The following FBRSL1 variants were observed in gnomAD, a reference collection of about 807,000 sequenced individuals.
FBRSL1 encodes the protein fibrosin like 1.
In FBRSL1, 51 loss-of-function variants were observed where a neutral mutation model predicts 89.6. The observed-to-expected ratio is 0.57, with a 90% CI of 0.45 to 0.72. The LOEUF is 0.72. Among genes scored for constraint, FBRSL1 ranks in the 30% least tolerant of loss-of-function variants. The probability of loss-of-function intolerance (pLI) is 0.00; values close to 1 mark genes in which losing one functional copy is unlikely to be tolerated. For synonymous variants in FBRSL1, 779 were observed against 681.1 expected, an observed-to-expected ratio of 1.14 and a Z score of -2.24; for missense variants, 1,618 against 1,451.8, an observed-to-expected ratio of 1.11 and a Z score of -1.86.
intron 4 of FBRSL1, among the ~76,000 whole-genome samples, chr12:132,530,925 C>G (rs373528228): frequency 7.0e-6 from 1 of 143,576 alleles, no homozygotes; most frequent in African/African-American, 2.6e-5. Context: ...GGTGTGCACC[C>G]GGGGCCTTGG....
At chr12:132,522,230 A>G (rs1593329443) in intron 2 of FBRSL1, among the ~76,000 whole-genome samples, 1 of 152,292 alleles carries the variant, frequency 6.6e-6, no homozygotes, top group East Asian at 1.9e-4. Flanking sequence ...CAAGGGCACT[A>G]GAACCGGACA....
chr12:132,525,414 G>A (rs146643545), intron 2 of FBRSL1, among the ~76,000 whole-genome samples: 4 of 152,226 alleles, frequency 2.6e-5, no homozygotes, highest in African/African-American at 7.2e-5. Context: ...CTCCAAGCAC[G>A]TGGCGGTTCT....
intron 2 of FBRSL1, chr12:132,511,096 G>T: frequency 5.1e-6 from 5 of 985,594 alleles, no homozygotes; most frequent in Non-Finnish European, 6.0e-6. Context: ...GTAGTCAGGA[G>T]GTGCTGGTGT....
chr12:132,492,121 T>C (rs1301837296), intron 1 of FBRSL1, among the ~76,000 whole-genome samples: 1 of 152,198 alleles, frequency 6.6e-6, no homozygotes, highest in Non-Finnish European at 1.5e-5. Context: ...AGCCAGGCCC[T>C]GCGCTCGGCT....
intron 4 of FBRSL1, among the ~76,000 whole-genome samples, chr12:132,532,619 G>A (rs568761144): frequency 6.6e-6 from 1 of 152,226 alleles, no homozygotes; most frequent in East Asian, 1.9e-4. Flanking sequence ...TGCTGAGCGT[G>A]TCCATGGCCG....
intron 5 of FBRSL1, 78 bp from the exon 6 acceptor site, chr12:132,567,401 TTG>T: frequency 7.1e-7 from 1 of 1,412,816 alleles, no homozygotes; most frequent in Non-Finnish European, 9.8e-7. Context: ...CCACCCAGAC[TTG>T]TGTGTGGGCA....
In FBRSL1 at chr12:132,546,270, G is replaced by A. The variant is rs537123278; in HGVS notation, c.616-1733G>A. Among the ~76,000 whole-genome samples the A allele has an allele frequency of 4.3e-4, 65 of 152,398 alleles. No individual in the cohort carries two copies. The highest frequency in any genetic ancestry group is 1.2e-3 in the Admixed American group (18 of 15,308). ...GGGAGATGGAGGACTCAGAGGCCCAGGGCCACCAGCAAAGCTGGTCTGCAT... is the reference window on the plus strand; with the variant it reads ...GGGAGATGGAGGACTCAGAGGCCCAAGGCCACCAGCAAAGCTGGTCTGCAT... On this transcript the variant is annotated intron_variant, in intron 4 of 18. Coordinates refer to ENST00000680143, the MANE Select transcript of FBRSL1 (RefSeq NM_001367871.1). The surrounding 1 kb of genome is among the most constrained non-coding windows in gnomAD (Gnocchi z 4.0).
intron 5 of FBRSL1, chr12:132,554,591 A>G (rs1284227631): frequency 6.6e-6 from 1 of 152,250 alleles, no homozygotes; most frequent in African/African-American, 2.4e-5. Context: ...AGGCGGGCAG[A>G]TCACTTGAGG....
chr12:132,526,324 C>T (rs2136937125), intron 3 of FBRSL1, among the ~76,000 whole-genome samples: 1 of 152,340 alleles, frequency 6.6e-6, no homozygotes, highest in South Asian at 2.1e-4. Context: ...CTGCCCGGCT[C>T]CCCATCTTGT....
chr12:132,571,206 T>G lies in FBRSL1; in HGVS notation c.1352T>G (p.Leu451Trp), dbSNP rs1444529598. The G allele has an allele frequency of 3.5e-6, 5 of 1,442,932 alleles. No individual in the cohort carries two copies. Among genetic ancestry groups the G allele is most frequent in the African/African-American group, 1.4e-5 (1 of 69,886 alleles). The allele number at this position is 1,442,932 out of a possible 1,614,324, so 89.4% of individuals were successfully genotyped here. Reference sequence around the variant, plus strand: ...CACGTGGCGAGCGGCCACCCCGGCTTGGCCTGCCGACCCCGGGAGTGCCAG... The same window carrying G: ...CACGTGGCGAGCGGCCACCCCGGCTGGGCCTGCCGACCCCGGGAGTGCCAG... ...GPHVASGHPG[L>W]ACRPRECQFD... Residue 451 changes from leucine (L) to tryptophan (W), a missense_variant, in exon 9 of 19, where the codon TTG (leucine) becomes TGG (tryptophan). Physicochemically the swap from Leu to Trp is moderately conservative, Grantham distance 61. Transcript: ENST00000680143.
Position 132,499,203 on chromosome 12 carries a change from G to A in FBRSL1, c.291+8342G>A, listed in dbSNP as rs2032556329. On this transcript the variant is annotated intron_variant, in intron 1 of 18. Transcript: ENST00000680143. This position sits in a 1 kb window ranked among gnomAD's most constrained non-coding sequence, Gnocchi z 4.3. ...CTGCACAGTGGAGCCTCCAGGGCCG[G>A]CCAGGCAGGGATGGTGCCGGGCAGG... Among the ~76,000 whole-genome samples, 1 of 152,192 alleles carries A rather than the reference G, an allele frequency of 6.6e-6. No individual in the cohort carries two copies. Among genetic ancestry groups the A allele is most frequent in the South Asian group, 2.1e-4 (1 of 4,830 alleles).
intron 3 of FBRSL1, among the ~76,000 whole-genome samples, chr12:132,526,224 G>A (rs1024606531): frequency 2.0e-5 from 3 of 152,244 alleles, no homozygotes; most frequent in African/African-American, 4.8e-5. Context: ...GACGGCCGCC[G>A]AGTCTTGAGA....
intron 5 of FBRSL1, chr12:132,550,831 G>C (rs965393063): frequency 6.4e-6 from 1 of 155,348 alleles, no homozygotes; most frequent in Non-Finnish European, 1.4e-5. Context: ...TTAGCTTCCT[G>C]AGTTTGGGAG....
chr12:132,492,635 T>C (rs956063821), intron 1 of FBRSL1, among the ~76,000 whole-genome samples: 1 of 152,260 alleles, frequency 6.6e-6, no homozygotes, highest in Admixed American at 6.5e-5. Flanking sequence ...GCTGTCCACC[T>C]GCTCTGGCAG....
At chr12:132,530,709 G>A (rs1198031154) in intron 4 of FBRSL1, among the ~76,000 whole-genome samples, 6 of 146,402 alleles carry the variant, frequency 4.1e-5, no homozygotes, top group Middle Eastern at 3.7e-3. Flanking sequence ...GACAGATGGC[G>A]GGGTGGGGGG....
At chr12:132,506,454 C>T (rs1207092474) in intron 1 of FBRSL1, among the ~76,000 whole-genome samples, 2 of 152,236 alleles carry the variant, frequency 1.3e-5, no homozygotes, top group Non-Finnish European at 2.9e-5. Context: ...GATCTGCCCT[C>T]TGCCTGTCCC....
Position 132,582,178 on chromosome 12 carries a change from C to G in FBRSL1, c.2113C>G (p.Pro705Ala). The change falls in exon 18 of 19, where the codon CCG becomes GCG. Residue 705 changes from proline to alanine, a missense_variant. By Grantham distance (27) the Pro-to-Ala change is conservative. Coordinates refer to ENST00000680143, the MANE Select transcript of FBRSL1 (RefSeq NM_001367871.1). Reference protein sequence around the residue: ...RAPPSFPAPPPWPKSVDAERV... With the variant: ...RAPPSFPAPPAWPKSVDAERV... Reference sequence around the variant, plus strand: ...ACCGCCCTCCTTCCCGGCTCCGCCCCCGTGGCCCAAGTCCGTGGACGCGGA... The same window carrying G: ...ACCGCCCTCCTTCCCGGCTCCGCCCGCGTGGCCCAAGTCCGTGGACGCGGA... 1 of 1,550,162 alleles carries G rather than the reference C, an allele frequency of 6.5e-7. No homozygotes were observed. The highest frequency in any genetic ancestry group is 8.7e-7 in the Non-Finnish European group (1 of 1,146,858).
intron 5 of FBRSL1, among the ~76,000 whole-genome samples, chr12:132,563,987 G>A (rs117384541): frequency 0.011 from 1,661 of 150,502 alleles, 43 homozygotes; most frequent in East Asian, 0.11. Context: ...CTGAGCTCCT[G>A]TGCACCCCCT....
chr12:132,571,260 C>T, intron 9 of FBRSL1, 29 bp downstream of exon 9: 2 of 1,479,664 alleles, frequency 1.4e-6, no homozygotes, highest in African/African-American at 2.8e-5. Flanking sequence ...CCGCCGGGAG[C>T]CCGCGGCCAA....
Sources: allele counts gnomAD v4.1 joint callset (sites outside exome capture counted in the v4.1 genomes callset), GRCh38; gene constraint gnomAD v4.1.1; non-coding constraint Gnocchi (gnomAD v3.1); transcripts MANE v1.5; gene names NCBI Gene and HGNC (gene_info 2026-07-23, HGNC 2026-07-21).